The following ARFGEF1 variants were observed in gnomAD, a reference collection of about 807,000 sequenced individuals.
ARFGEF1 encodes ARF guanine nucleotide exchange factor 1, also known as brefeldin A-inhibited guanine nucleotide-exchange protein 1.
A neutral mutation model predicts 231.0 loss-of-function variants in ARFGEF1; 42 were observed. The observed-to-expected ratio is 0.18, with a 90% CI of 0.14 to 0.24. The LOEUF (loss-of-function observed/expected upper bound fraction) is 0.24. Among genes scored for constraint, ARFGEF1 ranks in the 10% least tolerant of loss-of-function variants. The pLI, the probability that ARFGEF1 is intolerant of heterozygous loss-of-function variation, is 1.00. For synonymous variants in ARFGEF1, 710 were observed against 732.3 expected, an observed-to-expected ratio of 0.97 and a Z score of 0.49; for missense variants, 1,345 against 2,192.0, an observed-to-expected ratio of 0.61 and a Z score of 7.72.
intron 1 of ARFGEF1, among the ~76,000 whole-genome samples, chr8:67,338,916 G>C (rs1219417070): frequency 6.6e-6 from 1 of 152,170 alleles, no homozygotes; most frequent in African/African-American, 2.4e-5. Context: ...ATGGTGAAGA[G>C]TGATGAAAAT....
At chr8:67,340,095 C>T (rs1273131431) in intron 1 of ARFGEF1, among the ~76,000 whole-genome samples, 1 of 151,976 alleles carries the variant, frequency 6.6e-6, no homozygotes, top group East Asian at 1.9e-4. Context: ...CTATAATTGG[C>T]CATATGTTAA....
Position 67,240,202 on chromosome 8 carries a change from A to T in ARFGEF1, c.2939T>A (p.Ile980Lys). Reference sequence around the variant, plus strand: ...GCATGCAATTCTGATTGCACATCTTATACCTTCCAGGCAAAGAGAGGCTAC... The same window carrying T: ...GCATGCAATTCTGATTGCACATCTTTTACCTTCCAGGCAAAGAGAGGCTAC... ...TEVASLCLEG[I>K]RCAIRIACIF... Residue 980 changes from isoleucine (I) to lysine (K), a missense_variant, in exon 20 of 39, where the codon ATA becomes AAA. Transcript: ENST00000262215. 1 of 1,612,884 alleles carries T rather than the reference A, an allele frequency of 6.2e-7. No homozygotes were observed. The highest frequency in any genetic ancestry group is 8.5e-7 in the Non-Finnish European group (1 of 1,179,628).
downstream of ARFGEF1, among the ~76,000 whole-genome samples, chr8:67,197,352 G>C (rs1333955478): frequency 6.6e-6 from 1 of 152,102 alleles, no homozygotes; most frequent in African/African-American, 2.4e-5. Context: ...TACTGGGGAG[G>C]GTGGAGTGTG....
At chr8:67,316,977 C>T (rs990191121) in intron 1 of ARFGEF1, among the ~76,000 whole-genome samples, 11 of 152,152 alleles carry the variant, frequency 7.2e-5, no homozygotes, top group Non-Finnish European at 1.2e-4. Context: ...GGGGAGGGGG[C>T]TGCAGTTCAG....
chr8:67,276,249 T>C, intron 8 of ARFGEF1, 140 bp from the exon 9 acceptor site: 1 of 868,690 alleles, frequency 1.2e-6, no homozygotes, highest in Non-Finnish European at 1.7e-6. Context: ...TGAGGGAATC[T>C]GCCACGTTGT....
rs149899042 is a variant in ARFGEF1 at position 67,291,901 on chromosome 8, T to C, written c.862A>G (p.Ile288Val). Residue 288 changes from isoleucine (I) to valine (V), a missense_variant, in exon 6 of 39, where the codon ATT becomes GTT. Around this residue, in one of 14 missense-constraint regions of ARFGEF1, gnomAD observed 398 missense variants for 463.2 expected, o/e 0.86. Coordinates refer to ENST00000262215, the MANE Select transcript of ARFGEF1 (RefSeq NM_006421.5). ...DDTEPENGSD[I>V]SSAENEQTEA... is the part of the protein sequence containing the mutation. ...GTCTGTTCATTTTCTGCACTGGAAA[T>C]ATCAGATCCATTTTCAGGCTCTGTG... 2.7e-5 allele frequency: 44 copies of C among 1,613,866 alleles called. No homozygotes were observed. Among genetic ancestry groups the C allele is most frequent in the Non-Finnish European group, 3.4e-5 (40 of 1,179,880 alleles).
At chr8:67,214,925 G>C (rs943313414) in intron 33 of ARFGEF1, among the ~76,000 whole-genome samples, 1 of 151,980 alleles carries the variant, frequency 6.6e-6, no homozygotes, top group Admixed American at 6.6e-5. Flanking sequence ...GCTCAGGCCC[G>C]AAGAAGCCAG....
At position 67,198,288 on chromosome 8, in the gene ARFGEF1, G is replaced by C; in HGVS notation, c.*646C>G. 1 of 985,280 alleles carries C rather than the reference G, an allele frequency of 1.0e-6. No individual in the cohort carries two copies. Among genetic ancestry groups the C allele is most frequent in the South Asian group, 4.7e-5 (1 of 21,276 alleles). The allele number at this position is 985,280 out of a possible 1,614,324, so 61.0% of individuals were successfully genotyped here. A position where few individuals can be genotyped will look rare whatever the true frequency, so the allele number is the denominator to read the frequency against. On this transcript the variant is annotated 3_prime_UTR_variant, in exon 39 of 39. Transcript: ENST00000262215. ...AAAGAAAGTTCCACCCAAATGTTTA[G>C]TGCATTTGACAAAATATTATGGGTA...
In ARFGEF1 at chr8:67,320,299, T is replaced by G. The variant is rs553576020; in HGVS notation, c.125-17833A>C. 2.1e-5 allele frequency among the ~76,000 whole-genome samples: 3 copies of G among 142,380 alleles called. No individual in the cohort carries two copies. The South Asian group carries it at 6.6e-4, about 31-fold the overall frequency. The allele number at this position is 142,380 out of a possible 152,430, so 93.4% of individuals were successfully genotyped here. A position where few individuals can be genotyped will look rare whatever the true frequency, so the allele number is the denominator to read the frequency against. On this transcript the variant is annotated intron_variant, in intron 1 of 38. Coordinates refer to ENST00000262215, the MANE Select transcript of ARFGEF1 (RefSeq NM_006421.5). ...AGAAAATGCAAATGAAAAACCATAA[T>G]GATTTAATGCTACACACCTATTAAC...
chr8:67,175,553 G>T, exon 6 of ARFGEF1: 2 of 1,215,810 alleles, frequency 1.6e-6, no homozygotes, highest in Non-Finnish European at 2.4e-6. Flanking sequence ...GCAGCCCCAT[G>T]CTCACAGGGT....
intron 12 of ARFGEF1, 24 bp from the exon 13 acceptor site, chr8:67,267,008 AT>A (rs771021272): frequency 8.5e-5 from 137 of 1,608,016 alleles, no homozygotes; most frequent in Non-Finnish European, 1.0e-4. Context: ...CAAAAACAAA[AT>A]TTTTTTTAAA....
At position 67,175,540 on chromosome 8, in the gene ARFGEF1, C is replaced by A. The variant is rs767330628; in HGVS notation, c.*15G>T. The A allele has an allele frequency of 4.3e-5, 58 of 1,343,394 alleles. 1 individual carries two copies. Among genetic ancestry groups the A allele is most frequent in the Non-Finnish European group, 5.8e-5 (55 of 948,002 alleles). The allele number at this position is 1,343,394 out of a possible 1,614,324, so 83.2% of individuals were successfully genotyped here. On this transcript the variant is annotated 3_prime_UTR_variant, in exon 6 of 6. Transcript: ENST00000518789. The stretch of plus-strand genomic sequence containing the variant: ...TTCATTCCCAGGCATCCTCCTTTCA[C>A]TGGCAGCCCCATGCTCACAGGGTCC...
At chr8:67,292,145 A>G (rs927200218) in intron 5 of ARFGEF1, 22 bp from the exon 6 acceptor site, 2 of 1,595,656 alleles carry the variant, frequency 1.3e-6, no homozygotes, top group Non-Finnish European at 1.7e-6. Flanking sequence ...TAAAATTTCC[A>G]ATATTAGTAA....
chr8:67,199,177 G>A lies in ARFGEF1; in HGVS notation c.5386-79C>T, dbSNP rs932351715. ...AAACTGCCTAGAGTCAAACTACTCT[G>A]GGGCTCCATCACAGGAGCCAGGAAA... On this transcript the variant is annotated intron_variant, in intron 38 of 38. Transcript: ENST00000262215. 6.6e-6 allele frequency: 10 copies of A among 1,514,628 alleles called. No homozygotes were observed. In the African/African-American group the frequency reaches 8.6e-5, roughly 13 times the overall value. 93.8% of individuals were successfully genotyped at this position (1,514,628 alleles called of 1,614,324 possible).
At chr8:67,336,870 C>T (rs1040701450) in intron 1 of ARFGEF1, among the ~76,000 whole-genome samples, 2 of 152,024 alleles carry the variant, frequency 1.3e-5, no homozygotes, top group East Asian at 1.9e-4. Context: ...GTGGCTCACG[C>T]CTGTAATCCC....
downstream of ARFGEF1, chr8:67,174,985 T>A (rs1831270953): frequency 6.6e-6 from 2 of 302,686 alleles, no homozygotes; most frequent in Non-Finnish European, 1.3e-5. Flanking sequence ...TACCTGCACG[T>A]AGTCTGTGTT....
chr8:67,242,811 C>G (rs1448690553), intron 19 of ARFGEF1, among the ~76,000 whole-genome samples: 3 of 152,180 alleles, frequency 2.0e-5, no homozygotes, highest in African/African-American at 7.2e-5. Flanking sequence ...TGAGTCCCGG[C>G]CTGGCAGCAT....
chr8:67,309,346 C>G (rs1806888676), intron 1 of ARFGEF1, among the ~76,000 whole-genome samples: 1 of 152,218 alleles, frequency 6.6e-6, no homozygotes, highest in African/African-American at 2.4e-5. Context: ...TGATCTGTTA[C>G]ATAGAACAGG....
intron 21 of ARFGEF1, 27 bp downstream of exon 21, chr8:67,238,708 G>A: frequency 1.2e-6 from 2 of 1,605,398 alleles, no homozygotes; most frequent in South Asian, 2.2e-5. Flanking sequence ...AAACCAAATT[G>A]CAAAGTTGAA....
Sources: allele counts gnomAD v4.1 joint callset (sites outside exome capture counted in the v4.1 genomes callset), GRCh38; gene constraint gnomAD v4.1.1; regional missense constraint gnomAD v4.1.1; transcripts MANE v1.5; gene names NCBI Gene and HGNC (gene_info 2026-07-23, HGNC 2026-07-21).